CSRNP3: variants seen among roughly 807,000 people sequenced by gnomAD.
CSRNP3 encodes the protein cysteine and serine rich nuclear protein 3.
CSRNP3 carries 12 observed loss-of-function variants against 48.0 expected under a neutral mutation model. The observed-to-expected ratio is 0.25, with a 90% CI of 0.16 to 0.41. The LOEUF is 0.41. Among genes scored for constraint, CSRNP3 ranks in the 10% least tolerant of loss-of-function variants. The probability of loss-of-function intolerance (pLI) is 1.00; values close to 1 mark genes in which losing one functional copy is unlikely to be tolerated. For missense variants in CSRNP3, 580 were observed against 724.4 expected (o/e 0.80, Z 2.29); for synonymous variants, 263 against 269.7 (o/e 0.98, Z 0.24).
At chr2:165,509,806 A>T (rs985122848) in intron 2 of CSRNP3, among the ~76,000 whole-genome samples, 3 of 152,042 alleles carry the variant, frequency 2.0e-5, no homozygotes, top group African/African-American at 7.3e-5. Flanking sequence ...ACCCATGAAT[A>T]TTCTTTTTTT....
Position 165,662,506 on chromosome 2 carries a change from T to C in CSRNP3, c.408+4486T>C, listed in dbSNP as rs539115456. Reference sequence around the variant, plus strand: ...AAGCCCATTCAAACATGTCATACTCTTCACAGTAATCAATGCAGTCATCTT... The same window carrying C: ...AAGCCCATTCAAACATGTCATACTCCTCACAGTAATCAATGCAGTCATCTT... On this transcript the variant is annotated intron_variant, in intron 5 of 6. Transcript: ENST00000651982. Among the ~76,000 whole-genome samples, 5 of 152,354 alleles carry C rather than the reference T, an allele frequency of 3.3e-5. No homozygotes were observed. The South Asian group carries it at 1.0e-3, about 32-fold the overall frequency.
At chr2:165,583,095 C>A (rs1685573573) in intron 3 of CSRNP3, among the ~76,000 whole-genome samples, 1 of 152,210 alleles carries the variant, frequency 6.6e-6, no homozygotes, top group African/African-American at 2.4e-5. Context: ...GGTAGTGCCC[C>A]ATGGAAACAC....
intron 5 of CSRNP3, among the ~76,000 whole-genome samples, chr2:165,660,819 G>A (rs1179817343): frequency 6.6e-6 from 1 of 152,084 alleles, no homozygotes; most frequent in East Asian, 1.9e-4. Flanking sequence ...TGAAAACACA[G>A]TTTTCCCCTT....
At chr2:165,518,402 C>A (rs1684608365) in intron 3 of CSRNP3, among the ~76,000 whole-genome samples, 1 of 151,804 alleles carries the variant, frequency 6.6e-6, no homozygotes. Flanking sequence ...TATTTCCTGA[C>A]TTTTTTTAAC....
rs142245700 is a variant in CSRNP3 at position 165,591,322 on chromosome 2, A to G, written c.-23-3721A>G. On this transcript the variant is annotated intron_variant, in intron 3 of 6. Coordinates refer to ENST00000651982, the MANE Select transcript of CSRNP3 (RefSeq NM_001172173.2). ...AGAAGAAATTTCTGAGTGGCAAAGC[A>G]TTCAAAAGGAAGTAGAGCATAAAGG... 8.1e-4 allele frequency among the ~76,000 whole-genome samples: 123 copies of G among 152,348 alleles called. No homozygotes were observed. In the East Asian group the frequency reaches 0.015, roughly 18 times the overall value.
chr2:165,676,631 A>T, intron 6 of CSRNP3, 23 bp downstream of exon 6: 2 of 1,603,134 alleles, frequency 1.2e-6, no homozygotes, highest in Non-Finnish European at 1.7e-6. Flanking sequence ...AATTCAGGGC[A>T]TCCAAAGACA....
At chr2:165,675,145 C>T (rs952231201) in intron 5 of CSRNP3, among the ~76,000 whole-genome samples, 1 of 151,918 alleles carries the variant, frequency 6.6e-6, no homozygotes, top group African/African-American at 2.4e-5. Flanking sequence ...AGGATTTTTT[C>T]TAATAAAAAT....
At chr2:165,522,685 C>T (rs1209203177) in intron 3 of CSRNP3, among the ~76,000 whole-genome samples, 1 of 151,924 alleles carries the variant, frequency 6.6e-6, no homozygotes, top group Admixed American at 6.6e-5. Flanking sequence ...CTTTTCCTTT[C>T]ACTTCTTTTG....
chr2:165,469,911 C>T (rs1207970688), intron 1 of CSRNP3, among the ~76,000 whole-genome samples, 171 bp downstream of exon 1: 1 of 152,068 alleles, frequency 6.6e-6, no homozygotes, highest in South Asian at 2.1e-4. Context: ...GCTTGCTGTT[C>T]TTTCTCTCTG....
intron 1 of CSRNP3, among the ~76,000 whole-genome samples, chr2:165,493,615 T>A (rs1171369170): frequency 2.6e-5 from 4 of 151,792 alleles, no homozygotes; most frequent in Admixed American, 2.6e-4. Context: ...TTGGCCGGAG[T>A]TAGAGGAGAT....
intron 2 of CSRNP3, among the ~76,000 whole-genome samples, chr2:165,516,075 G>A (rs1294797139): frequency 6.6e-6 from 1 of 151,852 alleles, no homozygotes; most frequent in African/African-American, 2.4e-5. Context: ...CAAAGTGCGG[G>A]GGTTACAGGC....
chr2:165,591,624 G>C (rs1456586564), intron 3 of CSRNP3, among the ~76,000 whole-genome samples: 1 of 152,194 alleles, frequency 6.6e-6, no homozygotes, highest in Non-Finnish European at 1.5e-5. Flanking sequence ...TGTCCCAGCT[G>C]CTTCAGCTCC....
intron 3 of CSRNP3, among the ~76,000 whole-genome samples, chr2:165,534,525 G>A (rs1490394622): frequency 6.6e-6 from 1 of 151,854 alleles, no homozygotes; most frequent in Non-Finnish European, 1.5e-5. Flanking sequence ...TCTACAGAAG[G>A]ACTCATACAG....
chr2:165,523,368 A>AAACC (rs1684689108), intron 3 of CSRNP3, among the ~76,000 whole-genome samples: 1 of 152,180 alleles, frequency 6.6e-6, no homozygotes, highest in Admixed American at 6.5e-5. Flanking sequence ...AAACAAAAAC[A>AAACC]AACCAACCTC....
chr2:165,470,673 A>T (rs1683882038), intron 1 of CSRNP3, among the ~76,000 whole-genome samples: 1 of 151,978 alleles, frequency 6.6e-6, no homozygotes, highest in Non-Finnish European at 1.5e-5. Flanking sequence ...TGTAGAATAA[A>T]TAACACACTT....
rs114339554 is a variant in CSRNP3 at position 165,651,584 on chromosome 2, A to G, written c.149-6177A>G. 1.6e-3 allele frequency among the ~76,000 whole-genome samples: 233 copies of G among 149,106 alleles called. 2 individuals are homozygous for G. Among genetic ancestry groups the G allele is most frequent in the African/African-American group, 5.2e-3 (211 of 40,748 alleles). ...TATAATTTATAGTACAGATTATTTTATGTGCCTATATTCTTACCCTGGCAT... is the reference window on the plus strand; with the variant it reads ...TATAATTTATAGTACAGATTATTTTGTGTGCCTATATTCTTACCCTGGCAT... On this transcript the variant is annotated intron_variant, in intron 4 of 6. Coordinates refer to ENST00000651982, the MANE Select transcript of CSRNP3 (RefSeq NM_001172173.2).
At chr2:165,555,251 C>T (rs1485352116) in intron 3 of CSRNP3, among the ~76,000 whole-genome samples, 1 of 152,154 alleles carries the variant, frequency 6.6e-6, no homozygotes, top group Non-Finnish European at 1.5e-5. Context: ...GCTTTGTCCC[C>T]TTTTTCTCCC....
rs921148837 is a variant in CSRNP3, at chr2:165,494,761, A to G, written c.-280A>G. 2.9e-5 allele frequency: 6 copies of G among 205,216 alleles called. No homozygotes were observed. Among genetic ancestry groups the G allele is most frequent in the East Asian group, 2.3e-4 (2 of 8,750 alleles). The allele number at this position is 205,216 out of a possible 1,614,324, so 12.7% of individuals were successfully genotyped here. A position where few individuals can be genotyped will look rare whatever the true frequency, so the allele number is the denominator to read the frequency against. On this transcript the variant is annotated splice_region_variant and 5_prime_UTR_variant, in exon 2 of 7. Coordinates refer to ENST00000651982, the MANE Select transcript of CSRNP3 (RefSeq NM_001172173.2). ...CATTGCTCCTGTTCCTGTTACAGGT[A>G]CATGTGACAGCGTTGCAGCTATGAG...
chr2:165,619,370 A>G lies in CSRNP3; in HGVS notation c.148+24157A>G, dbSNP rs533962245. On this transcript the variant is annotated intron_variant, in intron 4 of 6. Coordinates refer to ENST00000651982, the MANE Select transcript of CSRNP3 (RefSeq NM_001172173.2). ...TTCATACAATCCGAAAACTACAACT[A>G]TGGAGTCATATTGACTCTTTTTGCT... Among the ~76,000 whole-genome samples, 4 of 152,262 alleles carry G rather than the reference A, an allele frequency of 2.6e-5. No individual in the cohort carries two copies. In the East Asian group the frequency reaches 5.8e-4, roughly 22 times the overall value.
Sources: gnomAD v4.1 joint callset for allele counts (sites outside exome capture counted in the v4.1 genomes callset) on GRCh38, gnomAD v4.1.1 for gene constraint, MANE v1.5 for transcripts, NCBI Gene and HGNC (gene_info 2026-07-23, HGNC 2026-07-21) for gene names.